Variants in CRLF3 observed in about 807,000 individuals in gnomAD.
CRLF3 encodes the protein cytokine receptor-like factor 3.
CRLF3 carries 33 observed loss-of-function variants against 55.0 expected under a neutral mutation model. The observed-to-expected ratio is 0.60, with a 90% CI of 0.46 to 0.80. The LOEUF is 0.80. Ranked by LOEUF, CRLF3 falls within the 30% of genes least tolerant of loss-of-function variation. CRLF3 has a pLI of 0.00. For synonymous variants in CRLF3, 238 were observed against 196.8 expected, an observed-to-expected ratio of 1.21 and a Z score of -1.75; for missense variants, 494 against 538.4, an observed-to-expected ratio of 0.92 and a Z score of 0.82.
intron 1 of CRLF3, among the ~76,000 whole-genome samples, chr17:30,806,527 A>G (rs1904408478): frequency 6.6e-6 from 1 of 152,186 alleles, no homozygotes; most frequent in Admixed American, 6.5e-5. Context: ...GTAGCCCACA[A>G]TTTGAGAAAC....
intron 6 of CRLF3, among the ~76,000 whole-genome samples, chr17:30,791,822 CTAAATTTTTAAGATTTACTTTT>C (rs1052480791): frequency 3.3e-4 from 50 of 151,598 alleles, no homozygotes; most frequent in East Asian, 5.8e-4. Context: ...GGCCAGGCCT[CTAAATTTTTAAGATTTACTTTT>C]TAATTTTGTG....
chr17:30,807,754 T>C (rs993082898), intron 1 of CRLF3, among the ~76,000 whole-genome samples: 31 of 151,992 alleles, frequency 2.0e-4, no homozygotes, highest in African/African-American at 7.2e-4. Flanking sequence ...GAACTCCTGA[T>C]CTCCGGTGAT....
At chr17:30,807,929 C>T (rs1000289677) in intron 1 of CRLF3, among the ~76,000 whole-genome samples, 20 of 152,000 alleles carry the variant, frequency 1.3e-4, no homozygotes, top group African/African-American at 4.8e-4. Flanking sequence ...TAACTAATTT[C>T]TGTATTTACC....
intron 5 of CRLF3, 114 bp from the exon 6 acceptor site, chr17:30,792,686 A>G: frequency 3.4e-6 from 3 of 888,338 alleles, no homozygotes; most frequent in Non-Finnish European, 5.1e-6. Flanking sequence ...GCCATGGTCA[A>G]GTTCAATAAA....
chr17:30,823,764 C>T (rs541157853), intron 1 of CRLF3, among the ~76,000 whole-genome samples: 1 of 152,154 alleles, frequency 6.6e-6, no homozygotes, highest in Admixed American at 6.6e-5. Flanking sequence ...GATAACTGCA[C>T]CACTTGAAAT....
chr17:30,805,076 G>T (rs898845196), intron 1 of CRLF3, among the ~76,000 whole-genome samples: 1 of 151,958 alleles, frequency 6.6e-6, no homozygotes, highest in Non-Finnish European at 1.5e-5. Flanking sequence ...CCAGCTACTT[G>T]CGAGGCTGAG....
chr17:30,782,888 T>TA lies in CRLF3; in HGVS notation c.*1298dup, dbSNP rs1971526598. On this transcript the variant is annotated 3_prime_UTR_variant, in exon 8 of 8. Transcript: ENST00000324238. ...TATCATACTTGCTTTTCTACTTTTT[T>TA]ACTATACTGGTAAAAATGAAATGAA... 2 of 148,716 alleles carry TA rather than the reference T, an allele frequency of 1.3e-5. No homozygotes were observed. The highest frequency in any genetic ancestry group is 3.0e-5 in the Non-Finnish European group (2 of 67,132). The allele number at this position is 148,716 out of a possible 1,614,324, so 9.2% of individuals were successfully genotyped here.
chr17:30,801,223 A>G (rs1317340056), intron 2 of CRLF3: 1 of 151,496 alleles, frequency 6.6e-6, no homozygotes, highest in Admixed American at 6.6e-5. Flanking sequence ...GCCTGGCTCA[A>G]AATCTCTTAA....
chr17:30,788,061 G>T (rs1265993200), intron 6 of CRLF3, among the ~76,000 whole-genome samples: 1 of 152,012 alleles, frequency 6.6e-6, no homozygotes, highest in African/African-American at 2.4e-5. Context: ...GGGTGCAGTG[G>T]CTCACGCCTG....
At chr17:30,785,793 A>AG (rs1971630614) in intron 7 of CRLF3, 126 bp downstream of exon 7, 1 of 581,890 alleles carries the variant, frequency 1.7e-6, no homozygotes, top group Non-Finnish European at 3.0e-6. Context: ...AAAAAAAAAA[A>AG]AAAGAAAAAG....
intron 2 of CRLF3, among the ~76,000 whole-genome samples, chr17:30,800,773 A>ATTT (rs562388803): frequency 1.6e-5 from 2 of 128,778 alleles, no homozygotes; most frequent in African/African-American, 5.8e-5. Context: ...TGCCTGGCTA[A>ATTT]TTTTTTTTTT....
chr17:30,806,064 C>CA (rs1174611797), intron 1 of CRLF3, among the ~76,000 whole-genome samples: 3 of 151,780 alleles, frequency 2.0e-5, no homozygotes, highest in Non-Finnish European at 4.4e-5. Flanking sequence ...AACAAACAAA[C>CA]AAAAAAACTC....
intron 2 of CRLF3, among the ~76,000 whole-genome samples, chr17:30,797,727 G>A (rs537743605): frequency 6.6e-6 from 1 of 151,644 alleles, no homozygotes; most frequent in South Asian, 2.1e-4. Flanking sequence ...AACTTCAATA[G>A]GAGCCAGTAC....
chr17:30,789,989 AGTT>A (rs1047851885), intron 6 of CRLF3, among the ~76,000 whole-genome samples: 14 of 151,810 alleles, frequency 9.2e-5, no homozygotes, highest in South Asian at 4.2e-4. Flanking sequence ...TTTAGGTATT[AGTT>A]GTTTTTTTTT....
chr17:30,818,629 T>G (rs1481612658), intron 1 of CRLF3, among the ~76,000 whole-genome samples: 1 of 151,108 alleles, frequency 6.6e-6, no homozygotes, highest in Non-Finnish European at 1.5e-5. Context: ...AATTTTTGTA[T>G]TTTTAGTAAA....
At chr17:30,804,982 A>C (rs1904341628) in intron 1 of CRLF3, among the ~76,000 whole-genome samples, 2 of 152,122 alleles carry the variant, frequency 1.3e-5, no homozygotes, top group Non-Finnish European at 2.9e-5. Context: ...CAGGAGTTCA[A>C]GACCAGCCTG....
At chr17:30,808,643 A>G (rs1032951345) in intron 1 of CRLF3, among the ~76,000 whole-genome samples, 2 of 150,632 alleles carry the variant, frequency 1.3e-5, no homozygotes, top group Admixed American at 6.7e-5. Context: ...CCCAGGCTGG[A>G]GTGCAGTGGC....
intron 1 of CRLF3, among the ~76,000 whole-genome samples, chr17:30,807,385 C>A (rs2142264976): frequency 6.6e-6 from 1 of 151,834 alleles, no homozygotes; most frequent in Non-Finnish European, 1.5e-5. Flanking sequence ...ATTTAAAAAG[C>A]AGAATACAAT....
intron 2 of CRLF3, 132 bp downstream of exon 2, chr17:30,803,769 C>G (rs1972042888): frequency 1.4e-6 from 1 of 724,480 alleles, no homozygotes; most frequent in Admixed American, 2.2e-5. Flanking sequence ...ATTGTGAGGC[C>G]TCCCCAGCCA....
Sources: allele counts gnomAD v4.1 joint callset (sites outside exome capture counted in the v4.1 genomes callset), GRCh38; gene constraint gnomAD v4.1.1; transcripts MANE v1.5; gene names NCBI Gene and HGNC (gene_info 2026-07-23, HGNC 2026-07-21).